The following MOB2 variants were observed in gnomAD, a reference collection of about 807,000 sequenced individuals.
MOB2 encodes MOB kinase activator 2.
Under a neutral mutation model 27.4 loss-of-function variants are expected in MOB2, and 14 were observed. That is an observed-to-expected ratio of 0.51 (90% CI 0.34 to 0.80). The LOEUF (loss-of-function observed/expected upper bound fraction) is 0.80. Among genes scored for constraint, MOB2 ranks in the 30% least tolerant of loss-of-function variants. MOB2 has a pLI of 0.01. For missense variants in MOB2, 304 were observed against 354.6 expected, an observed-to-expected ratio of 0.86 and a Z score of 1.15; for synonymous variants, 167 against 151.8, an observed-to-expected ratio of 1.10 and a Z score of -0.74.
Position 1,469,903 on chromosome 11 carries a change from C to CA in MOB2, c.*268dup. 1.3e-6 allele frequency: 1 copy of CA among 783,154 alleles called. No homozygotes were observed. The highest frequency in any genetic ancestry group is 2.2e-6 in the Non-Finnish European group (1 of 464,024). 48.5% of individuals were successfully genotyped at this position (783,154 alleles called of 1,614,324 possible). A position where few individuals can be genotyped will look rare whatever the true frequency, so the allele number is the denominator to read the frequency against. ...AAGGAAAACCCCACAGAAGAAAACTCAAAGCATCAGTCCCATGCGTGTCTG... is the reference window on the plus strand; with the variant it reads ...AAGGAAAACCCCACAGAAGAAAACTCAAAAGCATCAGTCCCATGCGTGTCTG... On this transcript the variant is annotated 3_prime_UTR_variant, in exon 5 of 5. Transcript: ENST00000329957.
intron 3 of MOB2, among the ~76,000 whole-genome samples, chr11:1,475,894 C>G (rs1236349034): frequency 6.6e-6 from 1 of 152,232 alleles, no homozygotes; most frequent in East Asian, 1.9e-4. Context: ...TAGTCAGGAA[C>G]TTTCACCTTT....
At chr11:1,474,200 T>C (rs1462914964) in intron 3 of MOB2, among the ~76,000 whole-genome samples, 3 of 151,854 alleles carry the variant, frequency 2.0e-5, no homozygotes, top group Non-Finnish European at 4.4e-5. Context: ...CCAGCTGCCA[T>C]CCTTACACCC....
intron 1 of MOB2, chr11:1,481,568 G>C (rs1413639694): frequency 6.6e-6 from 1 of 152,542 alleles, no homozygotes; most frequent in Non-Finnish European, 1.5e-5. Context: ...TTAAGAGAAA[G>C]AGAAAGGAAA....
At chr11:1,474,814 A>G (rs1414794373) in intron 3 of MOB2, among the ~76,000 whole-genome samples, 1 of 152,234 alleles carries the variant, frequency 6.6e-6, no homozygotes, top group African/African-American at 2.4e-5. Flanking sequence ...CTCTGTATCC[A>G]TTCCTTCAAC....
At chr11:1,486,418 C>T (rs1220804357) in intron 1 of MOB2, 29 bp downstream of exon 1, 9 of 1,489,984 alleles carry the variant, frequency 6.0e-6, no homozygotes, top group African/African-American at 1.4e-5. Context: ...GCTACACACC[C>T]CTCCCCCAGC....
At chr11:1,477,981 GT>G (rs1847870372) in intron 3 of MOB2, among the ~76,000 whole-genome samples, 1 of 152,200 alleles carries the variant, frequency 6.6e-6, no homozygotes, top group South Asian at 2.1e-4. Context: ...CCACTGAAAT[GT>G]TTTTGTATTT....
rs1847897069 is a variant in MOB2 at position 1,480,393 on chromosome 11, G to A, written c.365C>T (p.Thr122Ile). Residue 122 changes from threonine to isoleucine, a missense_variant and splice_region_variant, in exon 3 of 5, where the codon ACA becomes ATA. Thr to Ile is a moderately conservative substitution (Grantham distance 89). Transcript: ENST00000329957. ...ETCQTMAVCN[T>I]QYYWYDERGK... is the part of the protein sequence containing the mutation. ...TGGGCTGTAGCCAGGCAGCACTCACGTGTTGCACACGGCCATCGTCTGACA... is the reference window on the plus strand; with the variant it reads ...TGGGCTGTAGCCAGGCAGCACTCACATGTTGCACACGGCCATCGTCTGACA... 3.1e-6 allele frequency: 5 copies of A among 1,613,386 alleles called. No homozygotes were observed. Among genetic ancestry groups the A allele is most frequent in the East Asian group, 2.2e-5 (1 of 44,880 alleles).
Position 1,484,909 on chromosome 11 carries a change from C to G in MOB2, c.110+1538G>C, listed in dbSNP as rs187988869. 6.7e-4 allele frequency among the ~76,000 whole-genome samples: 102 copies of G among 152,300 alleles called. 2 individuals carry two copies. The East Asian group carries it at 8.1e-3, about 12-fold the overall frequency. ...CTTCTGAGTTTAATTGTCTGCCCCC[C>G]CAAACAGGTCAGCAGCCCCAGACAA... On this transcript the variant is annotated intron_variant, in intron 1 of 4. Coordinates refer to ENST00000329957, the MANE Select transcript of MOB2 (RefSeq NM_001172223.3).
chr11:1,480,169 C>T (rs762191915), intron 3 of MOB2, among the ~76,000 whole-genome samples: 7 of 152,236 alleles, frequency 4.6e-5, no homozygotes, highest in Non-Finnish European at 1.0e-4. Flanking sequence ...CCCCCACCAG[C>T]TCCTGCACCT....
intron 3 of MOB2, among the ~76,000 whole-genome samples, chr11:1,475,750 T>C (rs1847846206): frequency 2.0e-5 from 3 of 152,258 alleles, no homozygotes; most frequent in Non-Finnish European, 4.4e-5. Context: ...ACACGCACTG[T>C]GGCTGTCACT....
In MOB2 at chr11:1,470,297, T is replaced by C. The variant is rs904210448; in HGVS notation, c.682A>G (p.Thr228Ala). ...TCGGTGAGGTCGTCCATGATGGCGG[T>C]CTCTTTGGGGTCCAGCAGGTTGAAC... ...REFNLLDPKETAIMDDLTEVL... is the reference protein window; with the variant it reads ...REFNLLDPKEAAIMDDLTEVL... Residue 228 changes from threonine to alanine, a missense_variant, in exon 5 of 5, where the codon ACC (threonine) becomes GCC (alanine). Thr to Ala is a moderately conservative substitution (Grantham distance 58). Transcript: ENST00000329957. 9 of 1,613,240 alleles carry C rather than the reference T, an allele frequency of 5.6e-6. No homozygotes were observed. Among genetic ancestry groups the C allele is most frequent in the Middle Eastern group, 3.3e-4 (2 of 6,062 alleles).
intron 3 of MOB2, 130 bp downstream of exon 3, chr11:1,480,263 C>A: frequency 1.2e-6 from 1 of 805,102 alleles, no homozygotes; most frequent in South Asian, 1.8e-5. Flanking sequence ...TTGTGGAAGG[C>A]CTGTGCCAAG....
chr11:1,470,134 C>T lies in MOB2; in HGVS notation c.*38G>A, dbSNP rs1225306947. 1 of 1,558,652 alleles carries T rather than the reference C, an allele frequency of 6.4e-7. No individual in the cohort carries two copies. The highest frequency in any genetic ancestry group is 8.7e-7 in the Non-Finnish European group (1 of 1,152,220). On this transcript the variant is annotated 3_prime_UTR_variant, in exon 5 of 5. Transcript: ENST00000329957. ...TGCAGGAGAGAACACACACCACCGTCTCTTTGCACACGTGTGCCCCTGTCC... is the reference window on the plus strand; with the variant it reads ...TGCAGGAGAGAACACACACCACCGTTTCTTTGCACACGTGTGCCCCTGTCC...
At chr11:1,474,115 A>C (rs1222420151) in intron 3 of MOB2, among the ~76,000 whole-genome samples, 1 of 152,232 alleles carries the variant, frequency 6.6e-6, no homozygotes, top group Non-Finnish European at 1.5e-5. Flanking sequence ...CCCGACCGGC[A>C]TGTGGGCAGG....
At chr11:1,473,160 C>G (rs952591191) in intron 3 of MOB2, 1 of 152,350 alleles carries the variant, frequency 6.6e-6, no homozygotes, top group Non-Finnish European at 1.5e-5. Context: ...TCAGCCCACC[C>G]GAAGGGGAAG....
At chr11:1,469,449 A>G (rs1363663564), downstream of MOB2, 2 of 405,148 alleles carry the variant, frequency 4.9e-6, no homozygotes, top group South Asian at 3.5e-5. Flanking sequence ...TGAGACGTAC[A>G]CAGGCTCTGA....
At chr11:1,483,780 C>T (rs1288193322) in intron 1 of MOB2, among the ~76,000 whole-genome samples, 1 of 152,226 alleles carries the variant, frequency 6.6e-6, no homozygotes, top group Non-Finnish European at 1.5e-5. Context: ...CCTTGGCACC[C>T]AGCACGTAAC....
At chr11:1,475,213 G>A (rs896088001) in intron 3 of MOB2, among the ~76,000 whole-genome samples, 1 of 152,186 alleles carries the variant, frequency 6.6e-6, no homozygotes, top group Non-Finnish European at 1.5e-5. Flanking sequence ...ATTAATTTCA[G>A]TTTTAAATTT....
At chr11:1,474,870 A>G (rs1847835672) in intron 3 of MOB2, among the ~76,000 whole-genome samples, 3 of 152,254 alleles carry the variant, frequency 2.0e-5, no homozygotes, top group Admixed American at 2.0e-4. Flanking sequence ...AAGTCTCAAA[A>G]GTGTGAGATT....
Sources: allele counts gnomAD v4.1 joint callset (sites outside exome capture counted in the v4.1 genomes callset), GRCh38; gene constraint gnomAD v4.1.1; transcripts MANE v1.5; gene names NCBI Gene and HGNC (gene_info 2026-07-23, HGNC 2026-07-21).